The following CDK14 variants were observed in gnomAD, a reference collection of about 807,000 sequenced individuals.
CDK14 encodes cyclin-dependent kinase 14.
A neutral mutation model predicts 60.7 loss-of-function variants in CDK14; 34 were observed. The ratio of observed to expected loss-of-function variants is 0.56; its 90% confidence interval spans 0.43 to 0.75. The LOEUF (loss-of-function observed/expected upper bound fraction) is 0.75, where lower values mean the gene tolerates loss of function less well. Ranked by LOEUF, CDK14 falls within the 30% of genes least tolerant of loss-of-function variation. The pLI is 0.00. For missense variants in CDK14, 482 were observed against 564.1 expected (o/e 0.85, Z 1.47); for synonymous variants, 197 against 203.7 (o/e 0.97, Z 0.28).
intron 1 of CDK14, 108 bp downstream of exon 1, chr7:90,596,826 G>A: frequency 1.1e-6 from 1 of 916,608 alleles, no homozygotes; most frequent in Non-Finnish European, 1.7e-6. Context: ...CTGGCGTGGG[G>A]TGCGTTGTAG....
Position 90,911,693 on chromosome 7 carries a change from C to T in CDK14, c.703-5908C>T, listed in dbSNP as rs1409309530. 2.6e-5 allele frequency among the ~76,000 whole-genome samples: 4 copies of T among 152,060 alleles called. No individual in the cohort carries two copies. In the East Asian group the frequency reaches 7.7e-4, roughly 29 times the overall value. ...CATCTGACCTCACCTATTTAGACTTCGGTGAGAGGGACTGGTTATAATGCT... is the reference window on the plus strand; with the variant it reads ...CATCTGACCTCACCTATTTAGACTTTGGTGAGAGGGACTGGTTATAATGCT... On this transcript the variant is annotated intron_variant, in intron 7 of 14. Coordinates refer to ENST00000380050, the MANE Select transcript of CDK14 (RefSeq NM_001287135.2).
intron 6 of CDK14, among the ~76,000 whole-genome samples, chr7:90,879,824 A>G (rs1200453273): frequency 1.3e-5 from 2 of 151,922 alleles, no homozygotes; most frequent in Non-Finnish European, 2.9e-5. Context: ...CACCGAGAGA[A>G]GGAAGAGCAG....
intron 4 of CDK14, among the ~76,000 whole-genome samples, chr7:90,785,445 GT>G (rs2116947366): frequency 6.6e-6 from 1 of 152,272 alleles, no homozygotes; most frequent in South Asian, 2.1e-4. Flanking sequence ...TAAGTGGGGA[GT>G]TTTCCTTTAT....
At chr7:91,087,215 G>T (rs900082338) in intron 12 of CDK14, among the ~76,000 whole-genome samples, 2 of 151,994 alleles carry the variant, frequency 1.3e-5, no homozygotes, top group African/African-American at 2.4e-5. Context: ...ATAATACTGG[G>T]GCTCAATTTC....
intron 2 of CDK14, chr7:90,666,259 G>A (rs889970368): frequency 3.9e-5 from 6 of 152,190 alleles, no homozygotes; most frequent in Middle Eastern, 3.4e-3. Flanking sequence ...CTTTTCTTAA[G>A]CAAAAACTTT....
intron 6 of CDK14, among the ~76,000 whole-genome samples, chr7:90,881,939 A>G (rs1403385540): frequency 6.6e-6 from 1 of 152,322 alleles, no homozygotes; most frequent in Non-Finnish European, 1.5e-5. Flanking sequence ...TAAAAGAAGC[A>G]CTAAATATGG....
chr7:91,003,141 A>G (rs536760818), intron 10 of CDK14, among the ~76,000 whole-genome samples: 2 of 152,234 alleles, frequency 1.3e-5, no homozygotes, highest in South Asian at 2.1e-4. Flanking sequence ...AAATCATTCA[A>G]ATTTGTTCCT....
chr7:91,094,974 C>T (rs1798938090), intron 12 of CDK14, among the ~76,000 whole-genome samples: 1 of 152,122 alleles, frequency 6.6e-6, no homozygotes, highest in African/African-American at 2.4e-5. Flanking sequence ...ATGGAAACAT[C>T]TGTTAGCGGC....
At chr7:90,900,084 T>C (rs1037733615) in intron 7 of CDK14, among the ~76,000 whole-genome samples, 1 of 152,182 alleles carries the variant, frequency 6.6e-6, no homozygotes, top group Non-Finnish European at 1.5e-5. Context: ...CCATTTGTTA[T>C]AAGAAACCCT....
chr7:90,935,223 C>T (rs1405295026), intron 8 of CDK14, among the ~76,000 whole-genome samples: 1 of 152,158 alleles, frequency 6.6e-6, no homozygotes, highest in Non-Finnish European at 1.5e-5. Flanking sequence ...TTCATGAGGG[C>T]AGAGCTCTCA....
intron 2 of CDK14, among the ~76,000 whole-genome samples, chr7:90,636,515 G>GTGCT (rs1800154280): frequency 6.6e-6 from 1 of 151,776 alleles, no homozygotes; most frequent in South Asian, 2.1e-4. Context: ...GCTTTTTGAT[G>GTGCT]TGCTGCTGGA....
At chr7:90,823,583 A>G (rs773063886) in intron 5 of CDK14, among the ~76,000 whole-genome samples, 3 of 152,226 alleles carry the variant, frequency 2.0e-5, no homozygotes, top group Non-Finnish European at 4.4e-5. Flanking sequence ...GTGCAGGAAC[A>G]GAAAGTGCAT....
chr7:91,180,598 A>C (rs975750275), intron 14 of CDK14, among the ~76,000 whole-genome samples: 1 of 152,282 alleles, frequency 6.6e-6, no homozygotes, highest in East Asian at 1.9e-4. Flanking sequence ...TACAATAAAG[A>C]TCAGGAAAAA....
intron 5 of CDK14, among the ~76,000 whole-genome samples, chr7:90,830,807 C>A (rs1425409670): frequency 2.0e-5 from 3 of 152,194 alleles, no homozygotes; most frequent in Non-Finnish European, 4.4e-5. Flanking sequence ...TATCCTAATT[C>A]ATCTTTCTCA....
chr7:90,602,067 A>G (rs1267115702), intron 1 of CDK14, among the ~76,000 whole-genome samples: 1 of 152,114 alleles, frequency 6.6e-6, no homozygotes, highest in Non-Finnish European at 1.5e-5. Context: ...TCAGCCTTCC[A>G]AAGTGCTGGG....
At chr7:91,052,408 A>C (rs1797418435) in intron 11 of CDK14, among the ~76,000 whole-genome samples, 1 of 152,216 alleles carries the variant, frequency 6.6e-6, no homozygotes, top group Non-Finnish European at 1.5e-5. Context: ...GCTAAAGAAC[A>C]GTTTACTGAC....
chr7:90,626,804 G>A (rs1365860107), intron 2 of CDK14, among the ~76,000 whole-genome samples: 1 of 151,886 alleles, frequency 6.6e-6, no homozygotes, highest in Non-Finnish European at 1.5e-5. Context: ...CAGGTGTGAT[G>A]TGTGTCTGTC....
intron 1 of CDK14, among the ~76,000 whole-genome samples, chr7:90,598,531 A>G (rs1336385986): frequency 6.6e-6 from 1 of 152,126 alleles, no homozygotes. Flanking sequence ...TGAATCGTAG[A>G]TCTCATTATG....
chr7:90,681,493 G>T (rs893207422), intron 2 of CDK14, among the ~76,000 whole-genome samples: 1 of 152,106 alleles, frequency 6.6e-6, no homozygotes, highest in African/African-American at 2.4e-5. Context: ...ATACTGACTG[G>T]TGGTGCTCAG....
Sources: allele counts gnomAD v4.1 joint callset (sites outside exome capture counted in the v4.1 genomes callset), GRCh38; gene constraint gnomAD v4.1.1; transcripts MANE v1.5; gene names NCBI Gene and HGNC (gene_info 2026-07-23, HGNC 2026-07-21).